HPSE2: variants seen among roughly 807,000 people sequenced by gnomAD.
HPSE2 encodes the protein inactive heparanase-2.
Under a neutral mutation model 60.5 loss-of-function variants are expected in HPSE2, and 38 were observed. The observed-to-expected ratio is 0.63, with a 90% CI of 0.48 to 0.82. The LOEUF is 0.82. Among genes scored for constraint, HPSE2 ranks in the 40% least tolerant of loss-of-function variants. The pLI, the probability that HPSE2 is intolerant of heterozygous loss-of-function variation, is 0.00. For synonymous variants in HPSE2, 295 were observed against 293.2 expected, an observed-to-expected ratio of 1.01 and a Z score of -0.06; for missense variants, 713 against 740.4, an observed-to-expected ratio of 0.96 and a Z score of 0.43.
At chr10:98,992,269 T>C (rs1956542907) in intron 3 of HPSE2, among the ~76,000 whole-genome samples, 1 of 152,244 alleles carries the variant, frequency 6.6e-6, no homozygotes, top group Non-Finnish European at 1.5e-5. Context: ...CTGCCTTCTT[T>C]AGGACTTGTC....
intron 3 of HPSE2, among the ~76,000 whole-genome samples, chr10:99,053,894 ATT>A (rs764231635): frequency 4.2e-5 from 6 of 142,320 alleles, no homozygotes; most frequent in South Asian, 2.3e-4. Context: ...CGCCCAGATA[ATT>A]TTTTTTTTTT....
intron 8 of HPSE2, among the ~76,000 whole-genome samples, chr10:98,618,467 C>T (rs549665): frequency 0.22 from 34,072 of 152,064 alleles, 4,074 homozygotes; most frequent in Admixed American, 0.31. Flanking sequence ...TGAGCAAATG[C>T]CATTCCTCTG....
intron 3 of HPSE2, among the ~76,000 whole-genome samples, chr10:98,747,092 G>A (rs914592658): frequency 1.3e-5 from 2 of 152,000 alleles, no homozygotes; most frequent in Non-Finnish European, 2.9e-5. Flanking sequence ...AAAATAATTT[G>A]AGTATTATAA....
At chr10:98,932,322 C>A (rs754045327) in intron 3 of HPSE2, among the ~76,000 whole-genome samples, 2 of 144,122 alleles carry the variant, frequency 1.4e-5, no homozygotes, top group Non-Finnish European at 3.0e-5. Context: ...ATAAAACCGA[C>A]CTGATCATGG....
At chr10:98,588,496 C>T (rs1944998827) in intron 9 of HPSE2, among the ~76,000 whole-genome samples, 1 of 152,126 alleles carries the variant, frequency 6.6e-6, no homozygotes, top group Non-Finnish European at 1.5e-5. Context: ...TGCTTCTAGT[C>T]TGCCACGGCC....
chr10:98,727,773 TA>T (rs1949126795), intron 4 of HPSE2, among the ~76,000 whole-genome samples: 1 of 151,936 alleles, frequency 6.6e-6, no homozygotes, highest in African/African-American at 2.4e-5. Flanking sequence ...AAAGAAATTA[TA>T]AAAAACAGTC....
chr10:98,908,683 C>CA (rs35913499), intron 3 of HPSE2, among the ~76,000 whole-genome samples: 1,312 of 66,108 alleles, frequency 0.02, 221 homozygotes, highest in African/African-American at 0.057. Context: ...AGCTCCATCT[C>CA]AAAAAAAAAA....
At chr10:98,640,652 A>C (rs755960617) in intron 7 of HPSE2, among the ~76,000 whole-genome samples, 12 of 152,210 alleles carry the variant, frequency 7.9e-5, no homozygotes, top group Admixed American at 2.6e-4. Flanking sequence ...CCTACCTGTT[A>C]TAATTTTTCT....
At chr10:98,827,287 G>T (rs1442301778) in intron 3 of HPSE2, among the ~76,000 whole-genome samples, 2 of 152,054 alleles carry the variant, frequency 1.3e-5, no homozygotes, top group Non-Finnish European at 2.9e-5. Flanking sequence ...CTCACCACAA[G>T]CTCTGTGTCC....
intron 4 of HPSE2, among the ~76,000 whole-genome samples, chr10:98,724,160 T>C (rs928464474): frequency 6.6e-6 from 1 of 152,166 alleles, no homozygotes; most frequent in African/African-American, 2.4e-5. Flanking sequence ...TTCTGGTATG[T>C]TGTGTCTTTG....
intron 3 of HPSE2, among the ~76,000 whole-genome samples, chr10:98,889,097 T>C (rs982349196): frequency 2.0e-5 from 3 of 151,594 alleles, no homozygotes; most frequent in Non-Finnish European, 2.9e-5. Context: ...ACAACATAGA[T>C]TTTTTTTTCA....
intron 11 of HPSE2, among the ~76,000 whole-genome samples, chr10:98,476,817 T>C (rs879621915): frequency 1.3e-5 from 2 of 151,958 alleles, no homozygotes; most frequent in Admixed American, 6.6e-5. Context: ...CGGTCTGAAT[T>C]CTGGACTTGT....
chr10:99,292,948 G>A, the HPSE2 span, among the ~76,000 whole-genome samples: 9 of 151,828 alleles, frequency 5.9e-5, no homozygotes, highest in African/African-American at 1.7e-4. Context: ...CTCTGCTCCC[G>A]CCTCCCCAAA....
At chr10:98,460,221 C>G (rs926392137) in intron 11 of HPSE2, among the ~76,000 whole-genome samples, 1 of 152,218 alleles carries the variant, frequency 6.6e-6, no homozygotes, top group African/African-American at 2.4e-5. Flanking sequence ...CTATTTAACT[C>G]ATATCTCATT....
intron 3 of HPSE2, among the ~76,000 whole-genome samples, chr10:99,011,184 T>C (rs534621015): frequency 1.3e-4 from 20 of 152,216 alleles, no homozygotes; most frequent in Middle Eastern, 3.4e-3. Flanking sequence ...TGTAAAACCA[T>C]GTAGACAAAT....
At chr10:99,295,489 A>G in the HPSE2 span, among the ~76,000 whole-genome samples, 17 of 152,200 alleles carry the variant, frequency 1.1e-4, no homozygotes, top group African/African-American at 3.9e-4. Flanking sequence ...ACATAAACAC[A>G]CTCACAGTTA....
At chr10:99,043,470 G>A (rs918314701) in intron 3 of HPSE2, among the ~76,000 whole-genome samples, 25 of 152,060 alleles carry the variant, frequency 1.6e-4, no homozygotes, top group African/African-American at 2.7e-4. Context: ...CAGCCTGGGC[G>A]ACAGAGTGAG....
At chr10:99,102,954 A>C (rs1844072867) in intron 3 of HPSE2, among the ~76,000 whole-genome samples, 1 of 152,238 alleles carries the variant, frequency 6.6e-6, no homozygotes, top group Non-Finnish European at 1.5e-5. Flanking sequence ...AAAAACTCTC[A>C]ATACATTAGG....
At chr10:98,593,095 A>T (rs1333419241) in intron 9 of HPSE2, among the ~76,000 whole-genome samples, 6 of 152,246 alleles carry the variant, frequency 3.9e-5, no homozygotes, top group Non-Finnish European at 8.8e-5. Flanking sequence ...TGCTAGGTAC[A>T]ATAAGTCATA....
Sources: allele counts gnomAD v4.1 joint callset (sites outside exome capture counted in the v4.1 genomes callset), GRCh38; gene constraint gnomAD v4.1.1; transcripts MANE v1.5; gene names NCBI Gene and HGNC (gene_info 2026-07-23, HGNC 2026-07-21).